Variants in NDUFAF6 observed in about 807,000 individuals in gnomAD.
The protein encoded by NDUFAF6 is NADH:ubiquinone oxidoreductase complex assembly factor 6, also known as NADH dehydrogenase (ubiquinone) complex I, assembly factor 6.
In NDUFAF6, 45 loss-of-function variants were observed where a neutral mutation model predicts 40.8. The observed-to-expected ratio is 1.10, with a 90% CI of 0.87 to 1.42. The LOEUF (loss-of-function observed/expected upper bound fraction) is 1.42, where lower values mean the gene tolerates loss of function less well. Ranked by LOEUF, NDUFAF6 falls within the 40% of genes most tolerant of loss-of-function variation. The pLI is 0.00. For missense variants in NDUFAF6, 435 were observed against 418.5 expected (o/e 1.04, Z -0.34); for synonymous variants, 185 against 155.9 (o/e 1.19, Z -1.39).
At chr8:94,992,719 TC>T (rs1374524644) in intron 2 of NDUFAF6, among the ~76,000 whole-genome samples, 1 of 152,234 alleles carries the variant, frequency 6.6e-6, no homozygotes, top group Non-Finnish European at 1.5e-5. Flanking sequence ...ATTCCCAAGA[TC>T]CTCTCTTCCT....
At chr8:94,985,046 G>A (rs944442743) in intron 2 of NDUFAF6, among the ~76,000 whole-genome samples, 4 of 152,100 alleles carry the variant, frequency 2.6e-5, no homozygotes, top group African/African-American at 7.2e-5. Flanking sequence ...TCATTTACCA[G>A]CCTCCTTTGC....
chr8:95,105,236 C>T (rs138712122), downstream of NDUFAF6, among the ~76,000 whole-genome samples: 1 of 152,192 alleles, frequency 6.6e-6, no homozygotes, highest in East Asian at 1.9e-4. Flanking sequence ...TCTTTGTTTC[C>T]ATCAACAAAG....
chr8:95,029,345 C>T (rs1828554686), intron 1 of NDUFAF6, among the ~76,000 whole-genome samples: 1 of 136,480 alleles, frequency 7.3e-6, no homozygotes, highest in African/African-American at 2.8e-5. Context: ...ACACAGAGAG[C>T]CAATATACTC....
chr8:95,102,304 G>T (rs1021381548), intron 2 of NDUFAF6, among the ~76,000 whole-genome samples: 2 of 152,202 alleles, frequency 1.3e-5, no homozygotes, highest in Non-Finnish European at 2.9e-5. Context: ...CCAATCTAAA[G>T]AATTATTAAC....
chr8:94,933,524 G>C (rs950869786), intron 1 of NDUFAF6, among the ~76,000 whole-genome samples: 2 of 151,782 alleles, frequency 1.3e-5, no homozygotes, highest in African/African-American at 2.4e-5. Flanking sequence ...CAGCACTTTG[G>C]AAGGCCAAGG....
chr8:94,967,343 G>A (rs1396410346), intron 1 of NDUFAF6, among the ~76,000 whole-genome samples: 1 of 152,188 alleles, frequency 6.6e-6, no homozygotes, highest in African/African-American at 2.4e-5. Context: ...AGTGGCTGAA[G>A]CAGTTCCAGG....
chr8:94,945,295 A>G (rs866790655), intron 1 of NDUFAF6, among the ~76,000 whole-genome samples: 1 of 152,238 alleles, frequency 6.6e-6, no homozygotes, highest in South Asian at 2.1e-4. Context: ...ACTAGAGTGT[A>G]TTTCAAAGAC....
chr8:94,965,344 A>G (rs1359801024), intron 1 of NDUFAF6, among the ~76,000 whole-genome samples: 1 of 152,156 alleles, frequency 6.6e-6, no homozygotes, highest in Non-Finnish European at 1.5e-5. Context: ...TCCCCGGGGA[A>G]TGAGGAAGAA....
intron 1 of NDUFAF6, among the ~76,000 whole-genome samples, chr8:94,941,597 T>C (rs1472847883): frequency 3.3e-5 from 5 of 152,236 alleles, no homozygotes; most frequent in Non-Finnish European, 7.3e-5. Context: ...CAAGCATACT[T>C]TGACCTTCTA....
At chr8:95,059,957 T>C (rs1832528764), downstream of NDUFAF6, among the ~76,000 whole-genome samples, 1 of 140,626 alleles carries the variant, frequency 7.1e-6, no homozygotes. Flanking sequence ...TTAGGGAGCA[T>C]TGTCTGCAGG....
chr8:94,926,325 G>T (rs1819888656), intron 1 of NDUFAF6: 1 of 151,568 alleles, frequency 6.6e-6, no homozygotes. Context: ...CACATGTACA[G>T]TCTACAATAC....
intron 2 of NDUFAF6, among the ~76,000 whole-genome samples, chr8:95,014,316 T>C (rs898738323): frequency 1.3e-5 from 2 of 152,130 alleles, no homozygotes; most frequent in African/African-American, 2.4e-5. Flanking sequence ...GTGAGTCACA[T>C]ATAATAGTAG....
chr8:95,012,739 G>A (rs1202139928), intron 2 of NDUFAF6, among the ~76,000 whole-genome samples: 1 of 152,076 alleles, frequency 6.6e-6, no homozygotes, highest in African/African-American at 2.4e-5. Context: ...TGGGAAGATC[G>A]CTTGAGCATG....
At chr8:94,947,507 G>C (rs1348544152) in intron 2 of NDUFAF6, among the ~76,000 whole-genome samples, 1 of 152,142 alleles carries the variant, frequency 6.6e-6, no homozygotes, top group South Asian at 2.1e-4. Context: ...ACCAAGCCAA[G>C]AAAGTTATCT....
rs1586625099 is a variant in NDUFAF6 at position 94,911,953 on chromosome 8, G to A, written c.-936+16026G>A. ...GGCCCACACTTGGTTTTCACAGTGA[G>A]TAACTGCTGTTCGTAATGACAGTGC... On this transcript the variant is annotated intron_variant, in intron 1 of 14. Transcript: ENST00000396113. 2.6e-5 allele frequency among the ~76,000 whole-genome samples: 4 copies of A among 152,320 alleles called. No individual in the cohort carries two copies. The South Asian group carries it at 8.3e-4, about 32-fold the overall frequency.
intron 1 of NDUFAF6, among the ~76,000 whole-genome samples, chr8:94,959,990 T>C (rs1823433162): frequency 6.6e-6 from 1 of 152,224 alleles, no homozygotes; most frequent in African/African-American, 2.4e-5. Context: ...AACTCTCTTA[T>C]CACAGCACTT....
At chr8:95,081,082 G>A (rs1215385837), downstream of NDUFAF6, among the ~76,000 whole-genome samples, 1 of 148,244 alleles carries the variant, frequency 6.7e-6, no homozygotes, top group Non-Finnish European at 1.5e-5. Flanking sequence ...ACAAAAGAGT[G>A]AACAAAAGTC....
rs147365208 is a variant in NDUFAF6, at chr8:94,994,500, G to A, written c.-84+13527G>A. Among the ~76,000 whole-genome samples, 441 of 150,990 alleles carry A rather than the reference G, an allele frequency of 2.9e-3. 2 individuals are homozygous for A. Among genetic ancestry groups the A allele is most frequent in the African/African-American group, 9.6e-3 (397 of 41,148 alleles). ...TGGGAGGCAGAAGTTGCAGTGAGCC[G>A]AGATTGTGCCAAGAGCGAAACTCCA... On this transcript the variant is annotated intron_variant, in intron 2 of 9. Coordinates refer to the NDUFAF6 transcript ENST00000396111.
downstream of NDUFAF6, among the ~76,000 whole-genome samples, chr8:95,079,956 TATTTTTTGTAGTG>T (rs1808768668): frequency 7.6e-6 from 1 of 131,356 alleles, no homozygotes. Context: ...TTTTGTAGTG[TATTTTTTGTAGTG>T]ATTTTTTGTA....
Sources: gnomAD v4.1 joint callset for allele counts (sites outside exome capture counted in the v4.1 genomes callset) on GRCh38, gnomAD v4.1.1 for gene constraint, MANE v1.5 for transcripts, NCBI Gene and HGNC (gene_info 2026-07-23, HGNC 2026-07-21) for gene names.